Variants in CACNB2 observed in about 807,000 individuals in gnomAD.
The protein encoded by CACNB2 is calcium voltage-gated channel auxiliary subunit beta 2, also known as voltage-dependent L-type calcium channel subunit beta-2.
A neutral mutation model predicts 73.3 loss-of-function variants in CACNB2; 42 were observed. The observed-to-expected ratio is 0.57, with a 90% CI of 0.45 to 0.74. The LOEUF (loss-of-function observed/expected upper bound fraction) is 0.74, where lower values mean the gene tolerates loss of function less well. CACNB2 is among the 30% of genes least tolerant of loss of function. The pLI is 0.00. For missense variants in CACNB2, 940 were observed against 853.0 expected, an observed-to-expected ratio of 1.10 and a Z score of -1.27; for synonymous variants, 348 against 310.3, an observed-to-expected ratio of 1.12 and a Z score of -1.28.
intron 2 of CACNB2, among the ~76,000 whole-genome samples, chr10:18,180,381 A>G (rs1193993900): frequency 1.3e-5 from 2 of 152,066 alleles, no homozygotes; most frequent in Non-Finnish European, 2.9e-5. Context: ...AGTACTTCAA[A>G]TCTCCTTGTC....
At chr10:18,429,256 C>G (rs1356446576) in intron 3 of CACNB2, among the ~76,000 whole-genome samples, 1 of 152,180 alleles carries the variant, frequency 6.6e-6, no homozygotes, top group Non-Finnish European at 1.5e-5. Context: ...AGTCAACTCT[C>G]ATTATAACCA....
intron 2 of CACNB2, among the ~76,000 whole-genome samples, chr10:18,396,318 G>A (rs951813605): frequency 6.6e-6 from 1 of 152,182 alleles, no homozygotes; most frequent in Non-Finnish European, 1.5e-5. Context: ...CAGATTTCTT[G>A]CATCTACATT....
In CACNB2 at chr10:18,498,336, C is replaced by A. The variant is rs1186197134; in HGVS notation, c.334-19C>A. The stretch of plus-strand genomic sequence containing the variant: ...TTGTTTTGCTCTTATTTTTTTCCCT[C>A]TTCCTTTTCCCACTTTAGACAAAGC... On this transcript the variant is annotated intron_variant, in intron 3 of 13. Coordinates refer to ENST00000324631, the MANE Select transcript of CACNB2 (RefSeq NM_201596.3). 6.2e-7 allele frequency: 1 copy of A among 1,613,962 alleles called. No individual in the cohort carries two copies.
intron 4 of CACNB2, 27 bp downstream of exon 4, chr10:18,498,504 C>A: frequency 1.2e-6 from 2 of 1,611,746 alleles, no homozygotes; most frequent in African/African-American, 1.3e-5. Flanking sequence ...CATTTTCTAA[C>A]AGCATGATGT....
intron 3 of CACNB2, among the ~76,000 whole-genome samples, chr10:18,494,524 C>T (rs967711069): frequency 8.0e-5 from 12 of 149,670 alleles, no homozygotes; most frequent in South Asian, 2.1e-4. Context: ...CCCAGCTACT[C>T]GGGAGGCTGA....
intron 2 of CACNB2, among the ~76,000 whole-genome samples, chr10:18,311,730 G>C (rs2039972847): frequency 6.6e-6 from 1 of 152,160 alleles, no homozygotes; most frequent in Non-Finnish European, 1.5e-5. Context: ...TTGCTGTCTT[G>C]GGTGGCAGAA....
At chr10:18,366,938 G>A (rs746550171) in intron 2 of CACNB2, among the ~76,000 whole-genome samples, 31 of 152,160 alleles carry the variant, frequency 2.0e-4, no homozygotes, top group Non-Finnish European at 2.6e-4. Context: ...TGGGAAACTA[G>A]TATCACTATA....
chr10:18,471,317 A>G (rs2048177091), intron 3 of CACNB2, among the ~76,000 whole-genome samples: 1 of 152,212 alleles, frequency 6.6e-6, no homozygotes, highest in Non-Finnish European at 1.5e-5. Context: ...AGAAAGAAAG[A>G]AAGGAAGAAA....
intron 2 of CACNB2, among the ~76,000 whole-genome samples, chr10:18,179,073 C>T (rs1188974362): frequency 6.6e-6 from 1 of 152,110 alleles, no homozygotes; most frequent in African/African-American, 2.4e-5. Flanking sequence ...GGCCTTACTG[C>T]GGAACAGGCT....
chr10:18,366,429 C>T (rs1050330324), intron 2 of CACNB2, among the ~76,000 whole-genome samples: 10 of 146,706 alleles, frequency 6.8e-5, no homozygotes, highest in Admixed American at 3.4e-4. Flanking sequence ...CGCGCCACTG[C>T]ACTCCAGCCT....
chr10:18,211,535 A>G (rs73595538), intron 2 of CACNB2, among the ~76,000 whole-genome samples: 7,192 of 152,246 alleles, frequency 0.047, 187 homozygotes, highest in African/African-American at 0.052. Flanking sequence ...TCCTACTTGC[A>G]GACTACCTTA....
At chr10:18,532,676 C>CAAAAAAAAAAAAAA (rs1219587375) in intron 10 of CACNB2, among the ~76,000 whole-genome samples, 102 of 92,494 alleles carry the variant, frequency 1.1e-3, no homozygotes, top group Non-Finnish European at 1.7e-3. Flanking sequence ...GACTCTGTCT[C>CAAAAAAAAAAAAAA]AAAAAAAAAA....
At chr10:18,235,943 T>C (rs2036424964) in intron 2 of CACNB2, among the ~76,000 whole-genome samples, 1 of 152,148 alleles carries the variant, frequency 6.6e-6, no homozygotes, top group African/African-American at 2.4e-5. Flanking sequence ...TCACAAGACC[T>C]GGTTGTTTAA....
intron 2 of CACNB2, among the ~76,000 whole-genome samples, chr10:18,253,778 T>C (rs2037176995): frequency 6.6e-6 from 1 of 152,136 alleles, no homozygotes; most frequent in African/African-American, 2.4e-5. Flanking sequence ...TCCATCCCCA[T>C]GTAATAATGT....
At chr10:18,329,056 T>C (rs926904542) in intron 2 of CACNB2, among the ~76,000 whole-genome samples, 3 of 152,224 alleles carry the variant, frequency 2.0e-5, no homozygotes, top group Non-Finnish European at 2.9e-5. Flanking sequence ...TGCAAGTTCA[T>C]GGATGCATTA....
At chr10:18,481,788 C>T (rs1381543631) in intron 3 of CACNB2, among the ~76,000 whole-genome samples, 1 of 152,144 alleles carries the variant, frequency 6.6e-6, no homozygotes, top group Non-Finnish European at 1.5e-5. Flanking sequence ...GAGAAGTTGT[C>T]TTGTTGATTA....
At chr10:18,208,321 T>A (rs1436681583) in intron 2 of CACNB2, among the ~76,000 whole-genome samples, 1 of 152,108 alleles carries the variant, frequency 6.6e-6, no homozygotes, top group African/African-American at 2.4e-5. Context: ...AAAAACTTTT[T>A]TTTAATTAGT....
At chr10:18,288,115 A>G (rs1208295510) in intron 2 of CACNB2, among the ~76,000 whole-genome samples, 1 of 152,184 alleles carries the variant, frequency 6.6e-6, no homozygotes, top group African/African-American at 2.4e-5. Context: ...GGCCCACCCT[A>G]GTGACCTCAT....
chr10:18,306,454 G>C (rs144460099), intron 2 of CACNB2, among the ~76,000 whole-genome samples: 55 of 152,256 alleles, frequency 3.6e-4, no homozygotes, highest in Admixed American at 7.2e-4. Flanking sequence ...ATTTTGAGTA[G>C]ATTCCATAAT....
Sources: gnomAD v4.1 joint callset for allele counts (sites outside exome capture counted in the v4.1 genomes callset) on GRCh38, gnomAD v4.1.1 for gene constraint, MANE v1.5 for transcripts, NCBI Gene and HGNC (gene_info 2026-07-23, HGNC 2026-07-21) for gene names.